The following ADAMTSL1 variants were observed in gnomAD, a reference collection of about 807,000 sequenced individuals.
ADAMTSL1 encodes the protein ADAMTS like 1.
ADAMTSL1 carries 126 observed loss-of-function variants against 201.8 expected under a neutral mutation model. The ratio of observed to expected loss-of-function variants is 0.62; its 90% confidence interval spans 0.54 to 0.72. The LOEUF (loss-of-function observed/expected upper bound fraction) is 0.72. Ranked by LOEUF, ADAMTSL1 falls within the 30% of genes least tolerant of loss-of-function variation. The pLI, the probability that ADAMTSL1 is intolerant of heterozygous loss-of-function variation, is 0.00. For missense variants in ADAMTSL1, 2,679 were observed against 2,277.8 expected, an observed-to-expected ratio of 1.18 and a Z score of -3.59; for synonymous variants, 1,121 against 903.4, an observed-to-expected ratio of 1.24 and a Z score of -4.32.
chr9:18,588,854 C>A (rs1823697854), intron 4 of ADAMTSL1, among the ~76,000 whole-genome samples: 1 of 99,848 alleles, frequency 1.0e-5, no homozygotes, highest in African/African-American at 3.9e-5. Flanking sequence ...GTTGGGGTTA[C>A]TATAGCTTTG....
At chr9:18,191,166 A>T (rs186261067) in intron 2 of ADAMTSL1, among the ~76,000 whole-genome samples, 37 of 152,252 alleles carry the variant, frequency 2.4e-4, no homozygotes, top group Admixed American at 2.4e-3. Flanking sequence ...GATAGTTTGT[A>T]TGGGTGGCTG....
At chr9:18,288,913 T>C (rs773903292) in intron 2 of ADAMTSL1, among the ~76,000 whole-genome samples, 44 of 152,354 alleles carry the variant, frequency 2.9e-4, no homozygotes, top group Admixed American at 5.2e-4. Context: ...CTGAATTGAT[T>C]GGCATTGTGA....
intron 1 of ADAMTSL1, among the ~76,000 whole-genome samples, chr9:17,936,499 C>T (rs1478096473): frequency 6.6e-6 from 1 of 152,098 alleles, no homozygotes; most frequent in Non-Finnish European, 1.5e-5. Context: ...CCTTCGTTTC[C>T]CTTCCGTAAA....
intron 2 of ADAMTSL1, among the ~76,000 whole-genome samples, chr9:18,463,792 T>A (rs1820897197): frequency 6.6e-6 from 1 of 152,238 alleles, no homozygotes; most frequent in Non-Finnish European, 1.5e-5. Context: ...TTTGCTATTG[T>A]ATTAATATAT....
At chr9:18,866,113 A>G (rs1827520391) in intron 23 of ADAMTSL1, among the ~76,000 whole-genome samples, 1 of 146,476 alleles carries the variant, frequency 6.8e-6, no homozygotes, top group Non-Finnish European at 1.5e-5. Flanking sequence ...TGCCTTCAAA[A>G]ACCAAAAAAA....
At chr9:18,123,614 T>A (rs1825600519) in intron 1 of ADAMTSL1, among the ~76,000 whole-genome samples, 1 of 152,236 alleles carries the variant, frequency 6.6e-6, no homozygotes, top group African/African-American at 2.4e-5. Flanking sequence ...TACTGATGTA[T>A]AATTTACATA....
At chr9:18,322,942 T>C (rs1175523675) in intron 2 of ADAMTSL1, among the ~76,000 whole-genome samples, 1 of 152,184 alleles carries the variant, frequency 6.6e-6, no homozygotes, top group Admixed American at 6.5e-5. Flanking sequence ...TTGTTTAGAC[T>C]AGTGAGTTCT....
At chr9:18,044,915 TA>T (rs1821597384) in intron 1 of ADAMTSL1, among the ~76,000 whole-genome samples, 1 of 152,188 alleles carries the variant, frequency 6.6e-6, no homozygotes, top group Admixed American at 6.5e-5. Flanking sequence ...CTTTTTCAAT[TA>T]CCAAATTATT....
At chr9:18,636,924 G>T (rs554775260) in intron 6 of ADAMTSL1, among the ~76,000 whole-genome samples, 2 of 152,154 alleles carry the variant, frequency 1.3e-5, no homozygotes, top group South Asian at 4.1e-4. Context: ...CCACACAAAT[G>T]CCTGTGAAAC....
intron 2 of ADAMTSL1, among the ~76,000 whole-genome samples, chr9:18,326,611 A>G (rs1834839972): frequency 6.6e-6 from 1 of 152,230 alleles, no homozygotes. Context: ...TTAATCAAAA[A>G]TTGATTTAGA....
intron 3 of ADAMTSL1, among the ~76,000 whole-genome samples, chr9:18,536,964 G>T (rs1363667318): frequency 6.6e-6 from 1 of 152,120 alleles, no homozygotes; most frequent in Non-Finnish European, 1.5e-5. Flanking sequence ...ATATGAGTTG[G>T]TATTTAGGAG....
At chr9:18,862,062 C>T (rs900908362) in intron 23 of ADAMTSL1, among the ~76,000 whole-genome samples, 2 of 152,176 alleles carry the variant, frequency 1.3e-5, no homozygotes, top group Non-Finnish European at 2.9e-5. Context: ...TAGTCAGCAG[C>T]GGCTCCTTCC....
chr9:18,018,455 T>TATGGC (rs1306888791), intron 1 of ADAMTSL1, among the ~76,000 whole-genome samples: 2 of 152,068 alleles, frequency 1.3e-5, no homozygotes, highest in Non-Finnish European at 2.9e-5. Flanking sequence ...TCTAATAGAC[T>TATGGC]ATGGCATGGA....
intron 13 of ADAMTSL1, among the ~76,000 whole-genome samples, chr9:18,698,585 C>G (rs1831714614): frequency 2.0e-5 from 3 of 152,186 alleles, no homozygotes; most frequent in Non-Finnish European, 4.4e-5. Flanking sequence ...CATGCCTGGA[C>G]TGTGCCACTG....
At chr9:18,664,200 T>C (rs1039205886) in intron 9 of ADAMTSL1, among the ~76,000 whole-genome samples, 2 of 152,018 alleles carry the variant, frequency 1.3e-5, no homozygotes, top group Non-Finnish European at 2.9e-5. Context: ...TACTCTGAGG[T>C]TAAGATACTT....
intron 2 of ADAMTSL1, among the ~76,000 whole-genome samples, chr9:18,399,224 A>G (rs1817867004): frequency 1.4e-5 from 2 of 143,698 alleles, no homozygotes; most frequent in African/African-American, 5.2e-5. Flanking sequence ...GAGATAATTC[A>G]CAAACTTAAG....
At chr9:18,184,092 C>A (rs1267263510) in intron 2 of ADAMTSL1, among the ~76,000 whole-genome samples, 2 of 152,156 alleles carry the variant, frequency 1.3e-5, no homozygotes, top group African/African-American at 4.8e-5. Flanking sequence ...GTAACAAATG[C>A]TGACAGAAGT....
At chr9:18,852,113 T>C (rs904943689) in intron 23 of ADAMTSL1, among the ~76,000 whole-genome samples, 1 of 152,170 alleles carries the variant, frequency 6.6e-6, no homozygotes, top group African/African-American at 2.4e-5. Context: ...AACCCTATGC[T>C]CTCTACTGGG....
chr9:17,977,145 A>G (rs1818487805), intron 1 of ADAMTSL1, among the ~76,000 whole-genome samples: 1 of 152,196 alleles, frequency 6.6e-6, no homozygotes, highest in African/African-American at 2.4e-5. Flanking sequence ...TGTGTATGTT[A>G]AAATATCCTT....
Sources: allele counts gnomAD v4.1 joint callset (sites outside exome capture counted in the v4.1 genomes callset), GRCh38; gene constraint gnomAD v4.1.1; transcripts MANE v1.5; gene names NCBI Gene and HGNC (gene_info 2026-07-23, HGNC 2026-07-21).